The following RSRC1 variants were observed in gnomAD, a reference collection of about 807,000 sequenced individuals.
RSRC1 encodes serine/Arginine-related protein 53.
In RSRC1, 39 loss-of-function variants were observed where a neutral mutation model predicts 49.1. The ratio of observed to expected loss-of-function variants is 0.79; its 90% confidence interval spans 0.61 to 1.04. The LOEUF is 1.04. RSRC1 is among the 50% of genes least tolerant of loss of function. RSRC1 has a pLI of 0.00. For synonymous variants in RSRC1, 143 were observed against 130.8 expected, an observed-to-expected ratio of 1.09 and a Z score of -0.63; for missense variants, 388 against 402.4, an observed-to-expected ratio of 0.96 and a Z score of 0.31.
intron 7 of RSRC1, among the ~76,000 whole-genome samples, chr3:158,463,855 CTTATATAG>C: frequency 6.6e-6 from 1 of 152,242 alleles, no homozygotes; most frequent in African/African-American, 2.4e-5. Context: ...ACTTCATGTC[CTTATATAG>C]TTCAGTTGAT....
chr3:158,164,648 T>G (rs1471519821), intron 3 of RSRC1, among the ~76,000 whole-genome samples: 2 of 152,144 alleles, frequency 1.3e-5, no homozygotes, highest in African/African-American at 4.8e-5. Flanking sequence ...ATATTGGTGA[T>G]CCCAGGATAT....
intron 5 of RSRC1, among the ~76,000 whole-genome samples, chr3:158,319,739 T>C (rs567650139): frequency 6.6e-6 from 1 of 152,348 alleles, no homozygotes; most frequent in South Asian, 2.1e-4. Flanking sequence ...TTAAAATGGC[T>C]TTATTAATAA....
chr3:158,238,076 GACAA>G (rs1173849413), intron 4 of RSRC1, among the ~76,000 whole-genome samples: 3 of 152,232 alleles, frequency 2.0e-5, no homozygotes, highest in Middle Eastern at 3.4e-3. Context: ...ACCAATAACA[GACAA>G]ACAGAGAGCA....
At chr3:158,334,341 A>G (rs1403923948) in intron 5 of RSRC1, among the ~76,000 whole-genome samples, 1 of 152,166 alleles carries the variant, frequency 6.6e-6, no homozygotes, top group Non-Finnish European at 1.5e-5. Context: ...AAAAATAACT[A>G]GTTTTGTGTG....
At position 158,199,912 on chromosome 3, in the gene RSRC1, A is replaced by G. The variant is rs530830077; in HGVS notation, c.321-3160A>G. On this transcript the variant is annotated intron_variant, in intron 3 of 9. Transcript: ENST00000611884. ...TTCTGCCTATGAATTGACCCTTTTG[A>G]TCATCATGAAGTATCCATTTTTATT... is the stretch of plus-strand genomic sequence containing the variant. 3.9e-5 allele frequency among the ~76,000 whole-genome samples: 6 copies of G among 152,208 alleles called. No individual in the cohort carries two copies. The South Asian group carries it at 1.2e-3, about 32-fold the overall frequency.
intron 3 of RSRC1, among the ~76,000 whole-genome samples, chr3:158,138,398 C>T (rs984767400): frequency 1.3e-5 from 2 of 152,122 alleles, no homozygotes; most frequent in Admixed American, 1.3e-4. Context: ...TTGGCAGTAC[C>T]AAATTTCTTG....
At chr3:158,448,684 T>G (rs1190786337) in intron 6 of RSRC1, among the ~76,000 whole-genome samples, 1 of 151,938 alleles carries the variant, frequency 6.6e-6, no homozygotes, top group Non-Finnish European at 1.5e-5. Context: ...TTGGACATAC[T>G]TAGTGTGTCA....
chr3:158,180,944 T>A (rs996919818), intron 3 of RSRC1, among the ~76,000 whole-genome samples: 1 of 151,596 alleles, frequency 6.6e-6, no homozygotes. Context: ...AGCTGGGATT[T>A]CAGGCGCCCA....
intron 7 of RSRC1, among the ~76,000 whole-genome samples, chr3:158,496,302 G>A (rs975895326): frequency 1.3e-5 from 2 of 152,126 alleles, no homozygotes; most frequent in East Asian, 1.9e-4. Context: ...AAGCTTTAGT[G>A]TGCCTCAAAA....
At chr3:158,457,316 C>T (rs1014764648) in intron 6 of RSRC1, among the ~76,000 whole-genome samples, 1 of 152,092 alleles carries the variant, frequency 6.6e-6, no homozygotes, top group Non-Finnish European at 1.5e-5. Flanking sequence ...TCAGCTGGTA[C>T]TGCATAAGGA....
intron 4 of RSRC1, among the ~76,000 whole-genome samples, chr3:158,272,247 C>T (rs915799763): frequency 6.6e-6 from 1 of 152,122 alleles, no homozygotes; most frequent in East Asian, 1.9e-4. Context: ...CCCCAAAGAA[C>T]GGCCTTATTG....
intron 6 of RSRC1, among the ~76,000 whole-genome samples, chr3:158,419,149 A>G (rs923164761): frequency 6.6e-6 from 1 of 152,008 alleles, no homozygotes; most frequent in Admixed American, 6.6e-5. Flanking sequence ...TGTTTCTGCC[A>G]AATTTTAGCA....
intron 4 of RSRC1, among the ~76,000 whole-genome samples, chr3:158,278,510 G>T (rs994639202): frequency 3.3e-5 from 5 of 152,122 alleles, no homozygotes; most frequent in Admixed American, 3.3e-4. Flanking sequence ...TCCACACTCA[G>T]CACTGACTCC....
chr3:158,423,793 T>C (rs961327491), intron 6 of RSRC1, among the ~76,000 whole-genome samples: 2 of 152,028 alleles, frequency 1.3e-5, no homozygotes, highest in Admixed American at 6.6e-5. Flanking sequence ...GTCCTTCACA[T>C]CCCTTGTAAG....
intron 7 of RSRC1, among the ~76,000 whole-genome samples, chr3:158,509,749 G>T (rs573573998): frequency 2.6e-5 from 4 of 152,244 alleles, no homozygotes; most frequent in African/African-American, 9.6e-5. Flanking sequence ...ATACCATAGT[G>T]ATAGTACTGT....
intron 6 of RSRC1, among the ~76,000 whole-genome samples, chr3:158,415,778 T>C (rs1379740325): frequency 6.6e-6 from 1 of 152,078 alleles, no homozygotes; most frequent in Non-Finnish European, 1.5e-5. Flanking sequence ...AGACTAATAC[T>C]TTATGTTATA....
At chr3:158,137,652 T>C (rs1369995074) in intron 3 of RSRC1, among the ~76,000 whole-genome samples, 4 of 97,090 alleles carry the variant, frequency 4.1e-5, no homozygotes, top group Non-Finnish European at 4.3e-5. Flanking sequence ...ACTTTTTCTT[T>C]TTCTTTTTTT....
At chr3:158,508,246 C>A (rs919861603) in intron 7 of RSRC1, among the ~76,000 whole-genome samples, 3 of 152,058 alleles carry the variant, frequency 2.0e-5, no homozygotes, top group African/African-American at 7.2e-5. Flanking sequence ...TGTCTGGCAC[C>A]CAGTCACAAG....
intron 5 of RSRC1, among the ~76,000 whole-genome samples, chr3:158,329,918 C>G (rs928371507): frequency 2.6e-5 from 4 of 152,218 alleles, no homozygotes; most frequent in African/African-American, 7.2e-5. Context: ...TTCACCTACT[C>G]AAGCCTCAGC....
Sources: gnomAD v4.1 joint callset for allele counts (sites outside exome capture counted in the v4.1 genomes callset) on GRCh38, gnomAD v4.1.1 for gene constraint, MANE v1.5 for transcripts, NCBI Gene and HGNC (gene_info 2026-07-23, HGNC 2026-07-21) for gene names.